RAP1GDS1: variants seen among roughly 807,000 people sequenced by gnomAD.
RAP1GDS1 encodes RAP1, GTP-GDP dissociation stimulator 1.
RAP1GDS1 carries 35 observed loss-of-function variants against 71.1 expected under a neutral mutation model. That is an observed-to-expected ratio of 0.49 (90% CI 0.38 to 0.65). The LOEUF is 0.65. Ranked by LOEUF, RAP1GDS1 falls within the 30% of genes least tolerant of loss-of-function variation. The pLI is 0.00. For missense variants in RAP1GDS1, 663 were observed against 706.1 expected, an observed-to-expected ratio of 0.94 and a Z score of 0.69; for synonymous variants, 229 against 243.1, an observed-to-expected ratio of 0.94 and a Z score of 0.54.
chr4:98,262,685 C>G (rs1253663357), intron 1 of RAP1GDS1, among the ~76,000 whole-genome samples: 1 of 152,186 alleles, frequency 6.6e-6, no homozygotes, highest in Non-Finnish European at 1.5e-5. Flanking sequence ...CCCTTCTGTG[C>G]GAGTTATTTA....
intron 6 of RAP1GDS1, among the ~76,000 whole-genome samples, chr4:98,403,891 A>C (rs1360651438): frequency 3.3e-5 from 5 of 152,174 alleles, no homozygotes; most frequent in Non-Finnish European, 7.4e-5. Context: ...CTTATTTGTA[A>C]AAGCAAAAAT....
intron 1 of RAP1GDS1, among the ~76,000 whole-genome samples, chr4:98,287,391 A>G (rs1726201490): frequency 6.6e-6 from 1 of 152,214 alleles, no homozygotes; most frequent in African/African-American, 2.4e-5. Flanking sequence ...CAGGTTGATT[A>G]CATTCATATA....
chr4:98,372,785 G>A (rs28862004), intron 4 of RAP1GDS1, among the ~76,000 whole-genome samples: 21,517 of 152,084 alleles, frequency 0.14, 2,215 homozygotes, highest in African/African-American at 0.28. Flanking sequence ...CCTAGGCTCA[G>A]GTGATTCTCT....
chr4:98,327,731 G>A (rs966947370), intron 2 of RAP1GDS1, among the ~76,000 whole-genome samples: 4 of 152,172 alleles, frequency 2.6e-5, no homozygotes, highest in African/African-American at 7.2e-5. Flanking sequence ...TCCCACATTG[G>A]AGAGGGTGAT....
rs565549178 is a variant in RAP1GDS1, at chr4:98,353,280, G to A, written c.361+679G>A. 1.2e-4 allele frequency among the ~76,000 whole-genome samples: 19 copies of A among 152,258 alleles called. No homozygotes were observed. The East Asian group carries it at 2.7e-3, about 22-fold the overall frequency. ...ACTAGGCTTATTCTGATTTTCCTTAGAGTTTTATTTGCTGAGCCAAAACAC... is the reference window on the plus strand; with the variant it reads ...ACTAGGCTTATTCTGATTTTCCTTAAAGTTTTATTTGCTGAGCCAAAACAC... On this transcript the variant is annotated intron_variant, in intron 4 of 14. Transcript: ENST00000408927.
intron 14 of RAP1GDS1, among the ~76,000 whole-genome samples, chr4:98,439,417 T>G (rs1420829909): frequency 6.6e-6 from 1 of 152,246 alleles, no homozygotes; most frequent in African/African-American, 2.4e-5. Context: ...TTTATCCTGT[T>G]TGAGTTTGCT....
chr4:98,329,146 C>G (rs1179374801), intron 2 of RAP1GDS1, among the ~76,000 whole-genome samples: 4 of 152,130 alleles, frequency 2.6e-5, no homozygotes, highest in Non-Finnish European at 5.9e-5. Flanking sequence ...TTTATTGAAC[C>G]TTTCAGTTAA....
At chr4:98,341,841 G>A (rs1309298382) in intron 2 of RAP1GDS1, among the ~76,000 whole-genome samples, 4 of 152,130 alleles carry the variant, frequency 2.6e-5, no homozygotes, top group Non-Finnish European at 5.9e-5. Flanking sequence ...AGGGGTACAA[G>A]GAGCAGTGGT....
At chr4:98,293,301 G>A (rs1727235214) in intron 1 of RAP1GDS1, 107 bp from the exon 2 acceptor site, 1 of 693,798 alleles carries the variant, frequency 1.4e-6, no homozygotes, top group African/African-American at 1.8e-5. Flanking sequence ...AGGTTAATTT[G>A]CTATTATAGG....
intron 2 of RAP1GDS1, among the ~76,000 whole-genome samples, chr4:98,342,636 A>G (rs1367277432): frequency 6.6e-6 from 1 of 152,194 alleles, no homozygotes; most frequent in Admixed American, 6.5e-5. Context: ...TGAAAAACAT[A>G]GGAGTCATAG....
At chr4:98,427,254 A>C (rs1749747662) in intron 12 of RAP1GDS1, among the ~76,000 whole-genome samples, 1 of 152,196 alleles carries the variant, frequency 6.6e-6, no homozygotes, top group South Asian at 2.1e-4. Flanking sequence ...ACTCATATCC[A>C]ACATAATACT....
chr4:98,319,951 A>T (rs963068889), intron 2 of RAP1GDS1, among the ~76,000 whole-genome samples: 1 of 152,034 alleles, frequency 6.6e-6, no homozygotes, highest in African/African-American at 2.4e-5. Flanking sequence ...CCTCCTCTTC[A>T]TCTTCCTCCA....
intron 4 of RAP1GDS1, 77 bp downstream of exon 4, chr4:98,352,678 CA>C: frequency 1.3e-6 from 2 of 1,516,252 alleles, no homozygotes; most frequent in Non-Finnish European, 1.8e-6. Flanking sequence ...TTTGTGTTAG[CA>C]GTGACTTTTC....
intron 2 of RAP1GDS1, among the ~76,000 whole-genome samples, chr4:98,316,126 G>C (rs919390972): frequency 2.6e-5 from 4 of 152,142 alleles, no homozygotes; most frequent in African/African-American, 9.7e-5. Context: ...CCAGTGCTAG[G>C]ATTTAATAGC....
chr4:98,293,321 A>G, intron 1 of RAP1GDS1, 87 bp from the exon 2 acceptor site: 1 of 837,390 alleles, frequency 1.2e-6, no homozygotes, highest in Non-Finnish European at 1.9e-6. Context: ...GAAGCTCTCC[A>G]GTTTAGTGGT....
intron 3 of RAP1GDS1, among the ~76,000 whole-genome samples, chr4:98,352,246 C>T (rs894437040): frequency 1.3e-5 from 2 of 152,078 alleles, no homozygotes; most frequent in African/African-American, 4.8e-5. Flanking sequence ...TAGAGACTGT[C>T]AGCAAACAAA....
chr4:98,295,944 A>G (rs1366553679), intron 2 of RAP1GDS1, among the ~76,000 whole-genome samples: 2 of 152,164 alleles, frequency 1.3e-5, no homozygotes, highest in Non-Finnish European at 2.9e-5. Flanking sequence ...TTCCTTGAAT[A>G]AGGTGATTGA....
chr4:98,318,612 A>G (rs1047009427), intron 2 of RAP1GDS1, among the ~76,000 whole-genome samples: 1 of 152,200 alleles, frequency 6.6e-6, no homozygotes, highest in Non-Finnish European at 1.5e-5. Flanking sequence ...GTAGGCTGCT[A>G]TTGACCTTCT....
intron 1 of RAP1GDS1, among the ~76,000 whole-genome samples, chr4:98,290,549 C>G (rs888166277): frequency 6.6e-6 from 1 of 151,954 alleles, no homozygotes; most frequent in Non-Finnish European, 1.5e-5. Flanking sequence ...TACTTACAGA[C>G]CAGTAAATAA....
Sources: allele counts gnomAD v4.1 joint callset (sites outside exome capture counted in the v4.1 genomes callset), GRCh38; gene constraint gnomAD v4.1.1; transcripts MANE v1.5; gene names NCBI Gene and HGNC (gene_info 2026-07-23, HGNC 2026-07-21).